Variants in PEPD observed in about 807,000 individuals in gnomAD.
PEPD encodes the protein xaa-Pro dipeptidase.
PEPD carries 53 observed loss-of-function variants against 60.7 expected under a neutral mutation model. The ratio of observed to expected loss-of-function variants is 0.87; its 90% confidence interval spans 0.70 to 1.10. PEPD has a LOEUF of 1.10. PEPD is among the 50% of genes least tolerant of loss of function. The pLI is 0.00. For synonymous variants in PEPD, 267 were observed against 284.1 expected (o/e 0.94, Z 0.60); for missense variants, 711 against 711.9 (o/e 1.00, Z 0.01).
intron 4 of PEPD, among the ~76,000 whole-genome samples, chr19:33,497,055 C>T (rs988567882): frequency 2.0e-5 from 3 of 152,270 alleles, no homozygotes; most frequent in South Asian, 4.1e-4. Flanking sequence ...CAGTATTGCA[C>T]GCTGGTGGCC....
At chr19:33,471,900 G>A (rs914862503) in intron 7 of PEPD, among the ~76,000 whole-genome samples, 5 of 152,032 alleles carry the variant, frequency 3.3e-5, no homozygotes, top group Admixed American at 3.3e-4. Flanking sequence ...AGTGGCTCAT[G>A]CCTGTAATCC....
chr19:33,435,924 G>T (rs562635865), intron 9 of PEPD, among the ~76,000 whole-genome samples: 135 of 152,326 alleles, frequency 8.9e-4, no homozygotes, highest in African/African-American at 3.2e-3. Flanking sequence ...GGGGGCATGG[G>T]AGAGGCATAC....
chr19:33,436,892 C>T (rs572057575), intron 9 of PEPD, among the ~76,000 whole-genome samples: 1 of 152,298 alleles, frequency 6.6e-6, no homozygotes, highest in African/African-American at 2.4e-5. Flanking sequence ...AAGGCAGGCC[C>T]CTAGTCCACA....
At chr19:33,488,519 G>A (rs539380241) in intron 6 of PEPD, among the ~76,000 whole-genome samples, 6 of 152,210 alleles carry the variant, frequency 3.9e-5, no homozygotes, top group South Asian at 2.1e-4. Context: ...GGCTGTGCCC[G>A]TAGCCCCTCT....
intron 5 of PEPD, 110 bp from the exon 6 acceptor site, chr19:33,490,167 C>A: frequency 1.3e-6 from 1 of 758,268 alleles, no homozygotes; most frequent in Non-Finnish European, 2.4e-6. Context: ...GGATCCCCTC[C>A]TGCCTTCCCC....
chr19:33,512,451 TG>T, intron 2 of PEPD, 141 bp downstream of exon 2: 1 of 798,434 alleles, frequency 1.3e-6, no homozygotes, highest in Non-Finnish European at 2.1e-6. Flanking sequence ...AAGGAGCCCC[TG>T]GACCACTTCC....
In PEPD at chr19:33,511,424, AC is replaced by A. The variant is rs1259905014; in HGVS notation, c.202-270del. The A allele has an allele frequency of 1.1e-5, 5 of 435,024 alleles. No homozygotes were observed. In the East Asian group the frequency reaches 2.4e-4, roughly 21 times the overall value. The allele number at this position is 435,024 out of a possible 1,614,324, so 26.9% of individuals were successfully genotyped here. A position where few individuals can be genotyped will look rare whatever the true frequency, so the allele number is the denominator to read the frequency against. On this transcript the variant is annotated intron_variant, in intron 2 of 14. Coordinates refer to ENST00000244137, the MANE Select transcript of PEPD (RefSeq NM_000285.4). ...TGTGCCTGAGTCCACCTGTATCCCC[AC>A]CCCCGGGCCCACAACAGGGCGTCCA...
intron 9 of PEPD, among the ~76,000 whole-genome samples, chr19:33,446,875 G>A (rs1207202778): frequency 1.3e-5 from 2 of 152,216 alleles, no homozygotes; most frequent in African/African-American, 2.4e-5. Context: ...CAGGCCCCAC[G>A]AAGGGCATCT....
chr19:33,446,455 C>G (rs146922091), intron 9 of PEPD, among the ~76,000 whole-genome samples: 2 of 152,220 alleles, frequency 1.3e-5, no homozygotes, highest in Non-Finnish European at 2.9e-5. Context: ...CACCCGGGCA[C>G]GTGGACACTC....
chr19:33,497,260 C>T (rs990804395), intron 4 of PEPD, among the ~76,000 whole-genome samples: 1 of 152,264 alleles, frequency 6.6e-6, no homozygotes, highest in Non-Finnish European at 1.5e-5. Context: ...TGTCCTCTTA[C>T]ATCTGTCCTG....
chr19:33,482,518 T>C (rs968554948), intron 6 of PEPD, among the ~76,000 whole-genome samples: 5 of 152,176 alleles, frequency 3.3e-5, no homozygotes, highest in African/African-American at 1.2e-4. Flanking sequence ...GACTAAAAGC[T>C]TTCCCCTAAG....
intron 9 of PEPD, among the ~76,000 whole-genome samples, chr19:33,450,007 G>T (rs1393716690): frequency 6.6e-6 from 1 of 152,242 alleles, no homozygotes; most frequent in African/African-American, 2.4e-5. Flanking sequence ...ACTGCCACTG[G>T]CCTGTCCACT....
chr19:33,512,107 T>C (rs1488528647), intron 2 of PEPD, among the ~76,000 whole-genome samples: 1 of 152,194 alleles, frequency 6.6e-6, no homozygotes, highest in African/African-American at 2.4e-5. Context: ...CTGAAGTTCC[T>C]GCTGTGGTCA....
intron 3 of PEPD, among the ~76,000 whole-genome samples, chr19:33,507,649 C>A (rs532670861): frequency 2.6e-5 from 4 of 152,178 alleles, no homozygotes; most frequent in Non-Finnish European, 5.9e-5. Flanking sequence ...AATGTGAAGT[C>A]TGGTGGGTTT....
intron 7 of PEPD, among the ~76,000 whole-genome samples, chr19:33,467,112 A>G (rs370202674): frequency 6.0e-5 from 9 of 151,184 alleles, no homozygotes; most frequent in East Asian, 5.9e-4. Flanking sequence ...AGCCGAGATC[A>G]CGCCACTGCA....
intron 4 of PEPD, among the ~76,000 whole-genome samples, chr19:33,500,401 T>C (rs765646997): frequency 3.2e-4 from 48 of 152,158 alleles, no homozygotes; most frequent in Non-Finnish European, 5.9e-4. Flanking sequence ...CTGAACTTGG[T>C]TGGCACAGAT....
chr19:33,426,809 A>C (rs564292349), intron 9 of PEPD, among the ~76,000 whole-genome samples: 16 of 152,364 alleles, frequency 1.1e-4, no homozygotes, highest in Middle Eastern at 6.8e-3. Context: ...CGAGGACCAC[A>C]GATGCCTGTG....
intron 9 of PEPD, among the ~76,000 whole-genome samples, chr19:33,427,093 G>T (rs370210168): frequency 6.6e-6 from 1 of 152,242 alleles, no homozygotes; most frequent in African/African-American, 2.4e-5. Flanking sequence ...CTTGGCTGAA[G>T]GAACAACAGG....
rs148524832 is a variant in PEPD at position 33,480,437 on chromosome 19, T to C, written c.504-2347A>G. 1.6e-3 allele frequency among the ~76,000 whole-genome samples: 238 copies of C among 152,340 alleles called. 1 individual carries two copies. The highest frequency in any genetic ancestry group is 5.4e-3 in the African/African-American group (226 of 41,576). ...AATTGGAGAGAGAAACTGACAATAG[T>C]TGGAGACGTCAATAATCTACTTTCG... On this transcript the variant is annotated intron_variant, in intron 6 of 14. Transcript: ENST00000244137.
Sources: allele counts gnomAD v4.1 joint callset (sites outside exome capture counted in the v4.1 genomes callset), GRCh38; gene constraint gnomAD v4.1.1; transcripts MANE v1.5; gene names NCBI Gene and HGNC (gene_info 2026-07-23, HGNC 2026-07-21).